The following TMEM39A variants were observed in gnomAD, a reference collection of about 807,000 sequenced individuals.
The protein encoded by TMEM39A is suppressor of SQST-1 aggregates in rpl-43 mutants.
Under a neutral mutation model 51.9 loss-of-function variants are expected in TMEM39A, and 19 were observed. That is an observed-to-expected ratio of 0.37 (90% CI 0.26 to 0.54). The LOEUF is 0.54. Ranked by LOEUF, TMEM39A falls within the 20% of genes least tolerant of loss-of-function variation. The probability of loss-of-function intolerance (pLI) is 0.88; values close to 1 mark genes in which losing one functional copy is unlikely to be tolerated. For synonymous variants in TMEM39A, 197 were observed against 220.2 expected, an observed-to-expected ratio of 0.89 and a Z score of 0.93; for missense variants, 433 against 590.5, an observed-to-expected ratio of 0.73 and a Z score of 2.76.
chr3:119,463,320 G>A lies in TMEM39A; in HGVS notation c.-75+16C>T, dbSNP rs1485178456. The A allele has an allele frequency of 1.4e-5, 5 of 346,962 alleles. No homozygotes were observed. Among genetic ancestry groups the A allele is most frequent in the African/African-American group, 8.4e-5 (4 of 47,396 alleles). The allele number at this position is 346,962 out of a possible 1,614,324, so 21.5% of individuals were successfully genotyped here. A position where few individuals can be genotyped will look rare whatever the true frequency, so the allele number is the denominator to read the frequency against. On this transcript the variant is annotated intron_variant, in intron 1 of 8. Transcript: ENST00000319172. ...TCCAGGACAGCCGGACCTTGGGGCA[G>A]CTCAGTAATACTCACGCATGGAAGA...
At chr3:119,452,577 T>C (rs559395343) in intron 3 of TMEM39A, 47 bp from the exon 4 acceptor site, 5 of 1,466,608 alleles carry the variant, frequency 3.4e-6, no homozygotes, top group African/African-American at 2.8e-5. Context: ...ATGATGTGTA[T>C]TCAGCTGGCA....
intron 5 of TMEM39A, among the ~76,000 whole-genome samples, chr3:119,445,983 AC>A (rs2081119381): frequency 6.6e-6 from 1 of 152,202 alleles, no homozygotes; most frequent in South Asian, 2.1e-4. Flanking sequence ...GATGCCTAAA[AC>A]CATGGATAGT....
chr3:119,445,020 C>T (rs1577055938), intron 5 of TMEM39A, among the ~76,000 whole-genome samples: 1 of 151,910 alleles, frequency 6.6e-6, no homozygotes, highest in East Asian at 1.9e-4. Context: ...GTCAAGGCTG[C>T]AGTGAGCTGA....
intron 5 of TMEM39A, among the ~76,000 whole-genome samples, chr3:119,445,149 G>A (rs559301280): frequency 6.6e-6 from 1 of 152,246 alleles, no homozygotes; most frequent in South Asian, 2.1e-4. Context: ...AGAATCTTGT[G>A]GAGTATGTGT....
Position 119,437,991 on chromosome 3 carries a change from TCGAGGC to T in TMEM39A, c.682_687del (p.Ala228_Ser229del). The stretch of plus-strand genomic sequence containing the variant: ...TTGGATTTGGCCAAGCCTCCCACAG[TCGAGGC>T]ACTTTCCTCTACTGCCTCGTGCTGA... On this transcript the variant is annotated inframe_deletion, in exon 6 of 9. Coordinates refer to ENST00000319172, the MANE Select transcript of TMEM39A (RefSeq NM_018266.3). 1 of 1,614,174 alleles carries T rather than the reference TCGAGGC, an allele frequency of 6.2e-7. No homozygotes were observed. Among genetic ancestry groups the T allele is most frequent in the Non-Finnish European group, 8.5e-7 (1 of 1,180,012 alleles).
Position 119,445,322 on chromosome 3 carries a change from G to A in TMEM39A, c.575+1696C>T, listed in dbSNP as rs934762474. Among the ~76,000 whole-genome samples the A allele has an allele frequency of 9.9e-5, 15 of 152,116 alleles. 1 individual carries two copies. The highest frequency in any genetic ancestry group is 4.1e-4 in the South Asian group (2 of 4,822). ...CGCCCAGTCTGGAGTGCCATGGCGC[G>A]ATCCTGGCTCTGGCTCATTGCAACC... On this transcript the variant is annotated intron_variant, in intron 5 of 8. Transcript: ENST00000319172.
At chr3:119,461,898 C>A in intron 2 of TMEM39A, 64 bp downstream of exon 2, 1 of 1,281,054 alleles carries the variant, frequency 7.8e-7, no homozygotes, top group Non-Finnish European at 1.1e-6. Flanking sequence ...GACATGATGA[C>A]TTTTATGTTA....
intron 5 of TMEM39A, 36 bp downstream of exon 5, chr3:119,446,982 G>A: frequency 6.3e-7 from 1 of 1,584,868 alleles, no homozygotes; most frequent in Non-Finnish European, 8.6e-7. Context: ...AATTTCTAAA[G>A]ATTTACTAAT....
intron 5 of TMEM39A, among the ~76,000 whole-genome samples, chr3:119,444,789 T>C (rs2081101154): frequency 6.6e-6 from 1 of 152,210 alleles, no homozygotes; most frequent in Non-Finnish European, 1.5e-5. Flanking sequence ...GTGATGCTGA[T>C]GCTGCTGTTC....
intron 5 of TMEM39A, 78 bp from the exon 6 acceptor site, chr3:119,438,181 T>A: frequency 8.7e-7 from 1 of 1,148,068 alleles, no homozygotes; most frequent in South Asian, 1.7e-5. Flanking sequence ...ATATAACTTA[T>A]AACTTAGGTC....
chr3:119,437,661 G>A (rs1292765089), intron 6 of TMEM39A, 94 bp downstream of exon 6: 2 of 1,045,598 alleles, frequency 1.9e-6, no homozygotes, highest in African/African-American at 1.6e-5. Flanking sequence ...TGCCAAAGGG[G>A]AGACAGAGAA....
chr3:119,460,978 G>C (rs899289105), intron 2 of TMEM39A, among the ~76,000 whole-genome samples: 3 of 151,992 alleles, frequency 2.0e-5, no homozygotes, highest in African/African-American at 7.2e-5. Flanking sequence ...CTTATTTGTA[G>C]AAATTTTGTA....
intron 5 of TMEM39A, 145 bp from the exon 6 acceptor site, chr3:119,438,248 A>G (rs2081001823): frequency 1.9e-6 from 1 of 533,196 alleles, no homozygotes; most frequent in Admixed American, 3.4e-5. Flanking sequence ...CATTGCTGAT[A>G]GTAAATTCAT....
Position 119,429,503 on chromosome 3 carries a change from CA to C in TMEM39A, c.*2477del, listed in dbSNP as rs1190032664. ...ATTTTAACTTGCCAACAAAGAATTA[CA>C]AAAAAGGTCATTCTTTAATGATTAC... On this transcript the variant is annotated 3_prime_UTR_variant, in exon 9 of 9. Coordinates refer to ENST00000319172, the MANE Select transcript of TMEM39A (RefSeq NM_018266.3). 1 of 151,948 alleles carries C rather than the reference CA, an allele frequency of 6.6e-6. No individual in the cohort carries two copies. The highest frequency in any genetic ancestry group is 2.4e-5 in the African/African-American group (1 of 41,368). The allele number at this position is 151,948 out of a possible 1,614,324, so 9.4% of individuals were successfully genotyped here.
Position 119,452,370 on chromosome 3 carries a change from G to A in TMEM39A, c.420+77C>T, listed in dbSNP as rs553642843. On this transcript the variant is annotated intron_variant, in intron 4 of 8. Coordinates refer to ENST00000319172, the MANE Select transcript of TMEM39A (RefSeq NM_018266.3). ...TTATTGTTTCATTAAATGGGGACAC[G>A]TCACGTTTTTAACCTGCACCCATTC... 2.3e-5 allele frequency: 24 copies of A among 1,040,034 alleles called. No homozygotes were observed. In the African/African-American group the frequency reaches 2.4e-4, roughly 10 times the overall value. The allele number at this position is 1,040,034 out of a possible 1,614,324, so 64.4% of individuals were successfully genotyped here.
chr3:119,450,178 T>C (rs1423525065), intron 4 of TMEM39A, among the ~76,000 whole-genome samples: 1 of 152,224 alleles, frequency 6.6e-6, no homozygotes, highest in Non-Finnish European at 1.5e-5. Flanking sequence ...TAACAGTGCT[T>C]GTAGTGAAAA....
In TMEM39A at chr3:119,432,086, G is replaced by C. The variant is rs773863481; in HGVS notation, c.1362C>G (p.Ile454Met). The C allele has an allele frequency of 6.2e-7, 1 of 1,613,286 alleles. No individual in the cohort carries two copies. The highest frequency in any genetic ancestry group is 8.5e-7 in the Non-Finnish European group (1 of 1,179,482). ...KWNHTLSMAL[I>M]LFCNYYVLFK... Reference sequence around the variant, plus strand: ...ATAAAACATAGTAGTTGCAGAAGAGGATGAGAGCCATGGAAAGTGTGTGGT... The same window carrying C: ...ATAAAACATAGTAGTTGCAGAAGAGCATGAGAGCCATGGAAAGTGTGTGGT... The change falls in exon 9 of 9, where the codon ATC (isoleucine) becomes ATG (methionine). Residue 454 changes from isoleucine (I) to methionine (M), a missense_variant. Physicochemically the swap from Ile to Met is conservative, Grantham distance 10. Coordinates refer to ENST00000319172, the MANE Select transcript of TMEM39A (RefSeq NM_018266.3).
chr3:119,449,776 T>G (rs973256104), intron 4 of TMEM39A, among the ~76,000 whole-genome samples: 1 of 152,208 alleles, frequency 6.6e-6, no homozygotes, highest in Non-Finnish European at 1.5e-5. Context: ...TGCTTCAGGT[T>G]GGTGAAAAAA....
intron 5 of TMEM39A, among the ~76,000 whole-genome samples, chr3:119,444,833 A>G (rs1353877934): frequency 6.6e-6 from 1 of 152,170 alleles, no homozygotes; most frequent in Non-Finnish European, 1.5e-5. Context: ...CTGATACAGT[A>G]ATGATTAAGA....
Sources: gnomAD v4.1 joint callset for allele counts (sites outside exome capture counted in the v4.1 genomes callset) on GRCh38, gnomAD v4.1.1 for gene constraint, MANE v1.5 for transcripts, NCBI Gene and HGNC (gene_info 2026-07-23, HGNC 2026-07-21) for gene names.